The following STAM variants were observed in gnomAD, a reference collection of about 807,000 sequenced individuals.
STAM encodes the protein signal transducing adaptor molecule, also known as signal transducing adapter molecule 1.
In STAM, 16 loss-of-function variants were observed where a neutral mutation model predicts 63.4. That is an observed-to-expected ratio of 0.25 (90% CI 0.17 to 0.38). The LOEUF (loss-of-function observed/expected upper bound fraction) is 0.38. Among genes scored for constraint, STAM ranks in the 10% least tolerant of loss-of-function variants. The pLI is 1.00. For synonymous variants in STAM, 238 were observed against 223.9 expected (o/e 1.06, Z -0.56); for missense variants, 636 against 657.1 (o/e 0.97, Z 0.35).
intron 2 of STAM, among the ~76,000 whole-genome samples, chr10:17,670,413 C>T (rs1554823938): frequency 6.6e-6 from 1 of 152,036 alleles, no homozygotes; most frequent in Non-Finnish European, 1.5e-5. Context: ...CTTTACTTCC[C>T]ATTTTATGTT....
In STAM at chr10:17,688,101, G is replaced by A. The variant is rs781863160; in HGVS notation, c.372G>A (p.Gln124=). 2.4e-5 allele frequency: 38 copies of A among 1,609,130 alleles called. No homozygotes were observed. The highest frequency in any genetic ancestry group is 6.7e-5 in the South Asian group (6 of 89,930). Residue 124 remains glutamine (Q), a synonymous_variant, in exon 5 of 14, where the codon CAG becomes CAA. Transcript: ENST00000377524. The part of the protein sequence containing the change: ...EWTDEFKNDP[Q]LSLISAMIKN... ...CAGATGAATTTAAGAATGATCCACA[G>A]CTTAGTCTAATATCAGCAATGATTA...
In STAM at chr10:17,684,711, G is replaced by C. The variant is rs370185389; in HGVS notation, c.162G>C (p.Val54=). Residue 54 remains valine (V), a synonymous_variant, in exon 3 of 14, where the codon GTG becomes GTC. Coordinates refer to ENST00000377524, the MANE Select transcript of STAM (RefSeq NM_003473.4). ...KDCLRSIMRR[V]NHKDPHVAMQ... ...GTCTTCGGTCTATTATGAGAAGAGT[G>C]AACCACAAAGATCCTCACGTTGCTA... The C allele has an allele frequency of 4.3e-6, 7 of 1,614,056 alleles. No homozygotes were observed. Among genetic ancestry groups the C allele is most frequent in the Non-Finnish European group, 5.9e-6 (7 of 1,180,004 alleles).
chr10:17,702,541 G>A (rs1400729778), intron 9 of STAM, among the ~76,000 whole-genome samples: 1 of 152,194 alleles, frequency 6.6e-6, no homozygotes, highest in African/African-American at 2.4e-5. Flanking sequence ...CATTTTAAAT[G>A]TATAAGAAAT....
chr10:17,715,863 T>C lies in STAM; in HGVS notation c.*1083T>C, dbSNP rs17141568. 0.085 allele frequency: 13,048 copies of C among 152,676 alleles called. 1,065 individuals are homozygous for C. The highest frequency in any genetic ancestry group is 0.22 in the African/African-American group (8,978 of 41,514). 9.5% of individuals were successfully genotyped at this position (152,676 alleles called of 1,614,324 possible). A position where few individuals can be genotyped will look rare whatever the true frequency, so the allele number is the denominator to read the frequency against. ...TTAAATATGTCTTTAACACATTGTATCCTTTAATTCTTCATTAAAATGGAA... is the reference window on the plus strand; with the variant it reads ...TTAAATATGTCTTTAACACATTGTACCCTTTAATTCTTCATTAAAATGGAA... On this transcript the variant is annotated 3_prime_UTR_variant, in exon 14 of 14. Transcript: ENST00000377524.
intron 5 of STAM, among the ~76,000 whole-genome samples, chr10:17,690,724 G>A (rs970793697): frequency 6.6e-6 from 1 of 152,012 alleles, no homozygotes; most frequent in Non-Finnish European, 1.5e-5. Context: ...TTTCATCTGA[G>A]TACAGAAGAA....
At position 17,700,209 on chromosome 10, in the gene STAM, C is replaced by T. The variant is rs372301159; in HGVS notation, c.842C>T (p.Thr281Met). 3.1e-5 allele frequency: 50 copies of T among 1,607,170 alleles called. No homozygotes were observed. Among genetic ancestry groups the T allele is most frequent in the Admixed American group, 3.0e-4 (18 of 59,128 alleles). ...CTTACAGTTAAAACAGAGAAGAAGA[C>T]GGTACAATTTAGTGATGATGTTCAG... The part of the protein sequence containing the change: ...EPEMIKTEKK[T>M]VQFSDDVQVE... The change falls in exon 9 of 14, where the codon ACG becomes ATG. Residue 281 changes from threonine to methionine, a missense_variant. Physicochemically the swap from Thr to Met is moderately conservative, Grantham distance 81. Coordinates refer to ENST00000377524, the MANE Select transcript of STAM (RefSeq NM_003473.4).
chr10:17,705,071 G>A, intron 11 of STAM, 47 bp downstream of exon 11: 2 of 1,549,998 alleles, frequency 1.3e-6, no homozygotes, highest in South Asian at 1.2e-5. Context: ...CTTTCCTGAA[G>A]CTATCACTGT....
intron 1 of STAM, among the ~76,000 whole-genome samples, chr10:17,652,059 A>T (rs1833762849): frequency 6.6e-6 from 1 of 152,210 alleles, no homozygotes; most frequent in South Asian, 2.1e-4. Flanking sequence ...CTTTTTGAGT[A>T]TTAGTGTAAG....
chr10:17,686,149 A>T (rs998194282), intron 4 of STAM, among the ~76,000 whole-genome samples: 2 of 152,160 alleles, frequency 1.3e-5, no homozygotes, highest in Admixed American at 6.5e-5. Context: ...ACTAATTAAT[A>T]AACATTGTCT....
chr10:17,663,821 C>T (rs1554823135), intron 2 of STAM, among the ~76,000 whole-genome samples: 2 of 152,038 alleles, frequency 1.3e-5, no homozygotes, highest in Non-Finnish European at 2.9e-5. Flanking sequence ...TTCAATAATA[C>T]TGTTTAACAT....
intron 2 of STAM, chr10:17,673,011 TAAAATACC>T (rs1354936973): frequency 1.0e-6 from 1 of 985,204 alleles, no homozygotes; most frequent in Non-Finnish European, 1.2e-6. Context: ...CAAAAAGTTT[TAAAATACC>T]AAAATGGGGT....
chr10:17,657,290 A>G (rs1554822266), intron 1 of STAM, among the ~76,000 whole-genome samples: 1 of 152,142 alleles, frequency 6.6e-6, no homozygotes, highest in African/African-American at 2.4e-5. Flanking sequence ...AGGCAATGTG[A>G]TAATTGCTGA....
chr10:17,697,066 C>G (rs561454412), intron 8 of STAM, among the ~76,000 whole-genome samples, 197 bp downstream of exon 8: 4 of 152,170 alleles, frequency 2.6e-5, no homozygotes, highest in African/African-American at 9.6e-5. Flanking sequence ...ATTACAGGCA[C>G]CCGCCGCCAT....
chr10:17,694,530 G>A (rs1309747445), intron 6 of STAM, among the ~76,000 whole-genome samples: 5 of 152,124 alleles, frequency 3.3e-5, no homozygotes, highest in African/African-American at 4.8e-5. Context: ...AAGTAGTGGT[G>A]GAGATAGAGA....
intron 8 of STAM, among the ~76,000 whole-genome samples, chr10:17,697,628 C>T (rs1203040543): frequency 2.0e-5 from 3 of 152,108 alleles, no homozygotes; most frequent in African/African-American, 7.2e-5. Flanking sequence ...TAGTGAGAGA[C>T]AGTTTACTAT....
At chr10:17,661,661 T>A (rs1168365211) in intron 2 of STAM, among the ~76,000 whole-genome samples, 1 of 152,240 alleles carries the variant, frequency 6.6e-6, no homozygotes, top group Non-Finnish European at 1.5e-5. Context: ...AATGACAAGA[T>A]GATTCTTTCA....
At position 17,714,898 on chromosome 10, in the gene STAM, A is replaced by C; in HGVS notation, c.*118A>C. 1 of 984,894 alleles carries C rather than the reference A, an allele frequency of 1.0e-6. No individual in the cohort carries two copies. The highest frequency in any genetic ancestry group is 1.6e-6 in the Non-Finnish European group (1 of 640,754). 61.0% of individuals were successfully genotyped at this position (984,894 alleles called of 1,614,324 possible). On this transcript the variant is annotated 3_prime_UTR_variant, in exon 14 of 14. Coordinates refer to ENST00000377524, the MANE Select transcript of STAM (RefSeq NM_003473.4). The stretch of plus-strand genomic sequence containing the variant: ...CTTATAGGAATCTCTCCAGGTCAAC[A>C]GGTTCAAATATTCAAGAAGGTAGAA...
chr10:17,678,480 C>T (rs1328888048), intron 2 of STAM, among the ~76,000 whole-genome samples: 13 of 152,262 alleles, frequency 8.5e-5, no homozygotes, highest in Non-Finnish European at 1.2e-4. Context: ...TCTCGAACTC[C>T]TGATCTCAGG....
intron 2 of STAM, among the ~76,000 whole-genome samples, chr10:17,682,502 T>C (rs554485870): frequency 6.6e-6 from 1 of 152,342 alleles, no homozygotes; most frequent in South Asian, 2.1e-4. Context: ...GTGATTTCAT[T>C]TGTTGTAAGC....
Sources: allele counts gnomAD v4.1 joint callset (sites outside exome capture counted in the v4.1 genomes callset), GRCh38; gene constraint gnomAD v4.1.1; transcripts MANE v1.5; gene names NCBI Gene and HGNC (gene_info 2026-07-23, HGNC 2026-07-21).